The following PLPP1 variants were observed in gnomAD, a reference collection of about 807,000 sequenced individuals.
PLPP1 encodes phospholipid phosphatase 1.
PLPP1 carries 24 observed loss-of-function variants against 31.2 expected under a neutral mutation model. That is an observed-to-expected ratio of 0.77 (90% confidence interval 0.56 to 1.08). PLPP1 has a LOEUF of 1.08. Ranked by LOEUF, PLPP1 falls within the 50% of genes least tolerant of loss-of-function variation. The probability of loss-of-function intolerance (pLI) is 0.00; values close to 1 mark genes in which losing one functional copy is unlikely to be tolerated. For synonymous variants in PLPP1, 146 were observed against 126.3 expected (o/e 1.16, Z -1.05); for missense variants, 319 against 342.7 (o/e 0.93, Z 0.55).
chr5:55,443,965 T>G (rs562204959), intron 3 of PLPP1, among the ~76,000 whole-genome samples: 1 of 152,310 alleles, frequency 6.6e-6, no homozygotes, highest in East Asian at 1.9e-4. Context: ...TAAATCTAAC[T>G]CTTTATCGGA....
At chr5:55,447,978 A>G (rs1222949950) in intron 3 of PLPP1, among the ~76,000 whole-genome samples, 1 of 152,198 alleles carries the variant, frequency 6.6e-6, no homozygotes, top group Non-Finnish European at 1.5e-5. Context: ...TAAAGTTTAT[A>G]TAACAGCAGA....
intron 1 of PLPP1, among the ~76,000 whole-genome samples, chr5:55,488,208 TAAAA>T (rs781599627): frequency 2.7e-4 from 39 of 143,182 alleles, no homozygotes; most frequent in Middle Eastern, 3.3e-3. Flanking sequence ...TTCCACTCCT[TAAAA>T]AAAAAAAAAT....
At chr5:55,486,354 G>C (rs182280585) in intron 1 of PLPP1, among the ~76,000 whole-genome samples, 3 of 152,158 alleles carry the variant, frequency 2.0e-5, no homozygotes, top group African/African-American at 4.8e-5. Context: ...GGAGGCCGAG[G>C]TGGGTGGATT....
chr5:55,452,645 A>G (rs965121758), intron 3 of PLPP1, among the ~76,000 whole-genome samples: 2 of 152,130 alleles, frequency 1.3e-5, no homozygotes, highest in African/African-American at 4.8e-5. Context: ...TTAAGAGTCA[A>G]TTCAGCCCCT....
chr5:55,459,956 T>C (rs1484500919), intron 3 of PLPP1, among the ~76,000 whole-genome samples: 1 of 152,176 alleles, frequency 6.6e-6, no homozygotes, highest in Non-Finnish European at 1.5e-5. Flanking sequence ...TTGTCTTCAT[T>C]ATGGTTTTCT....
chr5:55,491,028 G>C, intron 1 of PLPP1: 1 of 1,613,710 alleles, frequency 6.2e-7, no homozygotes, highest in Non-Finnish European at 8.5e-7. Context: ...TCATGGTACG[G>C]ATAGTTGATG....
At chr5:55,501,924 A>C (rs1397186611) in intron 1 of PLPP1, among the ~76,000 whole-genome samples, 1 of 152,252 alleles carries the variant, frequency 6.6e-6, no homozygotes, top group African/African-American at 2.4e-5. Flanking sequence ...AATACAAGCC[A>C]TAACAGTGCT....
chr5:55,478,746 C>T lies in PLPP1; in HGVS notation c.59-3296G>A, dbSNP rs1010177600. Among the ~76,000 whole-genome samples, 3 of 152,080 alleles carry T rather than the reference C, an allele frequency of 2.0e-5. No homozygotes were observed. The East Asian group carries it at 5.8e-4, about 29-fold the overall frequency. ...GGCCACATCAGAAAGAGGGGGCATA[C>T]AGGAGGTGGAGATTGGTCCACAGTG... On this transcript the variant is annotated intron_variant, in intron 1 of 5. Coordinates refer to ENST00000307259, the MANE Select transcript of PLPP1 (RefSeq NM_003711.4).
intron 1 of PLPP1, among the ~76,000 whole-genome samples, chr5:55,483,905 A>G (rs1467168198): frequency 6.6e-6 from 1 of 152,124 alleles, no homozygotes; most frequent in Non-Finnish European, 1.5e-5. Context: ...GGTTTTTTGC[A>G]TATTAAGATA....
intron 1 of PLPP1, among the ~76,000 whole-genome samples, chr5:55,527,367 G>C (rs952563797): frequency 6.6e-6 from 1 of 152,192 alleles, no homozygotes; most frequent in Admixed American, 6.5e-5. Flanking sequence ...TGTTTTTGCA[G>C]CCAGATTTTA....
Position 55,475,309 on chromosome 5 carries a change from C to T in PLPP1, c.200G>A (p.Ser67Asn). The T allele has an allele frequency of 1.2e-6, 2 of 1,607,890 alleles. No homozygotes were observed. The highest frequency in any genetic ancestry group is 2.7e-5 in the African/African-American group (2 of 74,804). The change falls in exon 2 of 6, where the codon AGT becomes AAT. Residue 67 changes from serine to asparagine, a missense_variant. Coordinates refer to ENST00000307259, the MANE Select transcript of PLPP1 (RefSeq NM_003711.4). ...ALLGGIIIPF[S>N]IIVIILGETL... Reference sequence around the variant, plus strand: ...GTGGATTTAACTTACAACGATAATACTGAATGGAATGATTATTCCACCTAA... The same window carrying T: ...GTGGATTTAACTTACAACGATAATATTGAATGGAATGATTATTCCACCTAA...
intron 3 of PLPP1, among the ~76,000 whole-genome samples, chr5:55,454,948 A>G (rs915951377): frequency 6.6e-6 from 1 of 152,220 alleles, no homozygotes; most frequent in Admixed American, 6.5e-5. Flanking sequence ...TACCACACCC[A>G]GCCAGTCTAG....
intron 3 of PLPP1, 135 bp from the exon 4 acceptor site, chr5:55,442,043 CAG>C (rs1751633123): frequency 3.8e-6 from 3 of 781,314 alleles, no homozygotes; most frequent in Non-Finnish European, 6.4e-6. Flanking sequence ...AAGGGTACGG[CAG>C]GGGGACAATT....
intron 3 of PLPP1, among the ~76,000 whole-genome samples, chr5:55,457,472 A>C (rs10940465): frequency 0.88 from 134,073 of 152,176 alleles, 59,309 homozygotes; most frequent in Admixed American, 0.93. Context: ...CATTTTAAAT[A>C]AATATATTTC....
At chr5:55,441,181 T>C (rs899649368) in intron 4 of PLPP1, among the ~76,000 whole-genome samples, 2 of 152,204 alleles carry the variant, frequency 1.3e-5, no homozygotes, top group African/African-American at 4.8e-5. Context: ...AAAAACTACA[T>C]ATTCATCTCT....
chr5:55,463,237 T>C (rs532361484), intron 3 of PLPP1, among the ~76,000 whole-genome samples: 1 of 152,108 alleles, frequency 6.6e-6, no homozygotes, highest in Non-Finnish European at 1.5e-5. Context: ...CTAATGCATG[T>C]GGGGCTTAAA....
intron 1 of PLPP1, among the ~76,000 whole-genome samples, chr5:55,494,768 G>T (rs1752969362): frequency 6.6e-6 from 1 of 151,934 alleles, no homozygotes; most frequent in Non-Finnish European, 1.5e-5. Context: ...CAGCAACTCT[G>T]AGGGCAAAGG....
chr5:55,481,493 G>A (rs1442989006), intron 1 of PLPP1, among the ~76,000 whole-genome samples: 1 of 152,082 alleles, frequency 6.6e-6, no homozygotes, highest in Non-Finnish European at 1.5e-5. Flanking sequence ...ACTGCCTTGG[G>A]GATGACAGCA....
chr5:55,441,530 C>T (rs997054865), intron 4 of PLPP1, among the ~76,000 whole-genome samples: 3 of 152,172 alleles, frequency 2.0e-5, no homozygotes, highest in African/African-American at 4.8e-5. Context: ...TGCTGCTGTT[C>T]GCCCACACTG....
Sources: allele counts gnomAD v4.1 joint callset (sites outside exome capture counted in the v4.1 genomes callset), GRCh38; gene constraint gnomAD v4.1.1; transcripts MANE v1.5; gene names NCBI Gene and HGNC (gene_info 2026-07-23, HGNC 2026-07-21).